ACKR2: variants seen among roughly 807,000 people sequenced by gnomAD.
ACKR2 encodes atypical chemokine receptor 2.
For synonymous variants in ACKR2, 207 were observed against 192.2 expected (o/e 1.08, Z -0.64); for missense variants, 457 against 477.3 (o/e 0.96, Z 0.40).
intron 2 of ACKR2, among the ~76,000 whole-genome samples, chr3:42,857,621 A>G (rs1348823353): frequency 1.3e-5 from 2 of 152,256 alleles, no homozygotes; most frequent in Non-Finnish European, 2.9e-5. Flanking sequence ...TTCTGAGCCC[A>G]TCAACATGAT....
At chr3:42,819,997 C>T in intron 2 of ACKR2, among the ~76,000 whole-genome samples, 2 of 152,226 alleles carry the variant, frequency 1.3e-5, no homozygotes, top group East Asian at 3.8e-4. Flanking sequence ...CACTCAATGG[C>T]ACTGCAAACA....
chr3:42,862,669 C>A (rs1335381037), intron 2 of ACKR2, among the ~76,000 whole-genome samples: 2 of 152,116 alleles, frequency 1.3e-5, no homozygotes, highest in African/African-American at 4.8e-5. Flanking sequence ...GATATATAAA[C>A]AAATGGAACA....
chr3:42,815,997 CT>C (rs1322405319), intron 1 of ACKR2, among the ~76,000 whole-genome samples: 1 of 152,168 alleles, frequency 6.6e-6, no homozygotes, highest in African/African-American at 2.4e-5. Context: ...TCTTGTACCT[CT>C]GTTTCTTCAT....
At chr3:42,828,092 A>ATATATTTTTTTTTTT (rs1193533555) in intron 2 of ACKR2, among the ~76,000 whole-genome samples, 5 of 121,890 alleles carry the variant, frequency 4.1e-5, no homozygotes, top group African/African-American at 9.7e-5. Flanking sequence ...ATATATATAT[A>ATATATTTTTTTTTTT]TTTTTTTTTT....
In ACKR2 at chr3:42,865,378, C is replaced by T. The variant is rs547304854; in HGVS notation, c.876C>T (p.Tyr292=). The change falls in exon 3 of 3, where the codon TAC becomes TAT. Residue 292 remains tyrosine, a synonymous_variant. Transcript: ENST00000422265. ...GNCEVSQHLD[Y]ALQVTESIAF... ...GTGAGGTCAGCCAGCATCTAGACTA[C>T]GCACTCCAGGTAACAGAGAGCATCG... is the stretch of plus-strand genomic sequence containing the variant. 27 of 1,614,116 alleles carry T rather than the reference C, an allele frequency of 1.7e-5. No homozygotes were observed. Among genetic ancestry groups the T allele is most frequent in the East Asian group, 6.7e-5 (3 of 44,894 alleles).
chr3:42,829,990 C>A (rs1700914171), intron 2 of ACKR2, among the ~76,000 whole-genome samples: 1 of 152,226 alleles, frequency 6.6e-6, no homozygotes, highest in Admixed American at 6.5e-5. Flanking sequence ...TCTGAACTAA[C>A]AAACATTGTG....
chr3:42,820,725 TAAA>T (rs34544490), intron 2 of ACKR2, among the ~76,000 whole-genome samples: 1 of 100,498 alleles, frequency 1.0e-5, no homozygotes, highest in African/African-American at 3.9e-5. Flanking sequence ...AAAATAACAG[TAAA>T]AAAAAAAAAA....
intron 2 of ACKR2, among the ~76,000 whole-genome samples, chr3:42,824,799 A>G (rs1559685217): frequency 6.6e-6 from 1 of 152,180 alleles, no homozygotes. Flanking sequence ...TGTTGGGAAC[A>G]TTTGTGTATA....
At position 42,852,150 on chromosome 3, in the gene ACKR2, C is replaced by T. The variant is rs980146663; in HGVS notation, c.-37-12316C>T. Among the ~76,000 whole-genome samples, 1 of 152,156 alleles carries T rather than the reference C, an allele frequency of 6.6e-6. No individual in the cohort carries two copies. The highest frequency in any genetic ancestry group is 1.9e-4 in the East Asian group (1 of 5,188). On this transcript the variant is annotated intron_variant, in intron 2 of 2. Transcript: ENST00000422265. This position sits in a 1 kb window ranked among gnomAD's most constrained non-coding sequence, Gnocchi z 4.3. ...AGGTTAAATAATGAGCTCGGAGTTG[C>T]ACAGCCATTAAGAAGTGAGTTAAGC... is the stretch of plus-strand genomic sequence containing the variant.
chr3:42,864,179 C>A (rs2088410481), intron 2 of ACKR2, among the ~76,000 whole-genome samples: 2 of 152,028 alleles, frequency 1.3e-5, no homozygotes, highest in African/African-American at 4.8e-5. Flanking sequence ...GAAACAAAAC[C>A]ATAATGAAAT....
rs140963528 is a variant in ACKR2 at position 42,860,837 on chromosome 3, A to G, written c.-37-3629A>G. On this transcript the variant is annotated intron_variant, in intron 2 of 2. Transcript: ENST00000422265. The stretch of plus-strand genomic sequence containing the variant: ...AATGAGAACAAAGACACAATGTACT[A>G]GAATCTCTGGAACACAGCTAAAGCA... Among the ~76,000 whole-genome samples the G allele has an allele frequency of 3.5e-4, 54 of 152,372 alleles. No homozygotes were observed. The East Asian group carries it at 9.8e-3, about 28-fold the overall frequency.
At position 42,852,973 on chromosome 3, in the gene ACKR2, T is replaced by C. The variant is rs979105864; in HGVS notation, c.-37-11493T>C. 6.6e-6 allele frequency among the ~76,000 whole-genome samples: 1 copy of C among 152,090 alleles called. No homozygotes were observed. Among genetic ancestry groups the C allele is most frequent in the African/African-American group, 2.4e-5 (1 of 41,410 alleles). The stretch of plus-strand genomic sequence containing the variant: ...GCTTACAGTGTGGCCCTGGATTTCC[T>C]GGGAAACTAGAGAGGCGATACCTGT... On this transcript the variant is annotated intron_variant, in intron 2 of 2. Transcript: ENST00000422265. This position sits in a 1 kb window ranked among gnomAD's most constrained non-coding sequence, Gnocchi z 4.3.
chr3:42,861,676 C>T (rs868458316), intron 2 of ACKR2, among the ~76,000 whole-genome samples: 6 of 152,254 alleles, frequency 3.9e-5, no homozygotes, highest in African/African-American at 7.2e-5. Flanking sequence ...ACCATCAAGT[C>T]GGCCTCATCC....
At chr3:42,839,650 G>T (rs941365954) in intron 2 of ACKR2, among the ~76,000 whole-genome samples, 3 of 152,158 alleles carry the variant, frequency 2.0e-5, no homozygotes, top group Non-Finnish European at 2.9e-5. Flanking sequence ...CATACTTAGG[G>T]TGGTAGGTTA....
chr3:42,816,605 T>C (rs536507345), intron 1 of ACKR2, among the ~76,000 whole-genome samples: 5 of 152,042 alleles, frequency 3.3e-5, no homozygotes, highest in African/African-American at 1.2e-4. Flanking sequence ...TCACCCAGGC[T>C]GGAGTGCAGT....
At chr3:42,864,097 T>G (rs2088409946) in intron 2 of ACKR2, among the ~76,000 whole-genome samples, 2 of 152,196 alleles carry the variant, frequency 1.3e-5, no homozygotes, top group African/African-American at 4.8e-5. Context: ...AGGAGACACA[T>G]TAAATAGATG....
intron 2 of ACKR2, among the ~76,000 whole-genome samples, chr3:42,862,523 A>G (rs1344063382): frequency 6.6e-6 from 1 of 152,220 alleles, no homozygotes; most frequent in East Asian, 1.9e-4. Context: ...TAAATTTTAT[A>G]TGGAACCAAA....
intron 2 of ACKR2, among the ~76,000 whole-genome samples, chr3:42,845,310 G>C (rs1322791054): frequency 6.6e-6 from 1 of 152,186 alleles, no homozygotes; most frequent in Non-Finnish European, 1.5e-5. Context: ...CCCTTCCTGA[G>C]TCTCACTGTT....
Position 42,858,013 on chromosome 3 carries a change from G to A in ACKR2, c.-37-6453G>A, listed in dbSNP as rs1052261064. On this transcript the variant is annotated intron_variant, in intron 2 of 2. Transcript: ENST00000422265. ...GCAGGGCATCTCTGAAAGAAAGGCAGCAGCCCCAGTCAGGGGCTTATAGAT... is the reference window on the plus strand; with the variant it reads ...GCAGGGCATCTCTGAAAGAAAGGCAACAGCCCCAGTCAGGGGCTTATAGAT... Among the ~76,000 whole-genome samples the A allele has an allele frequency of 2.0e-5, 3 of 152,370 alleles. No individual in the cohort carries two copies. In the Middle Eastern group the frequency reaches 0.01, roughly 518 times the overall value.
Sources: gnomAD v4.1 joint callset for allele counts (sites outside exome capture counted in the v4.1 genomes callset) on GRCh38, gnomAD v4.1.1 for gene constraint, Gnocchi (gnomAD v3.1) non-coding constraint, MANE v1.5 for transcripts, NCBI Gene and HGNC (gene_info 2026-07-23, HGNC 2026-07-21) for gene names.